The following CAMTA1 variants were observed in gnomAD, a reference collection of about 807,000 sequenced individuals.
CAMTA1 encodes calmodulin binding transcription activator 1.
A neutral mutation model predicts 170.9 loss-of-function variants in CAMTA1; 27 were observed. The ratio of observed to expected loss-of-function variants is 0.16; its 90% CI spans 0.12 to 0.22. CAMTA1 has a LOEUF of 0.22. Among genes scored for constraint, CAMTA1 ranks in the 10% least tolerant of loss-of-function variants. The pLI, the probability that CAMTA1 is intolerant of heterozygous loss-of-function variation, is 1.00. For synonymous variants in CAMTA1, 833 were observed against 891.5 expected (o/e 0.93, Z 1.17); for missense variants, 1,619 against 2,217.2 (o/e 0.73, Z 5.42).
At chr1:7,593,200 T>C (rs374291471) in intron 6 of CAMTA1, among the ~76,000 whole-genome samples, 1 of 152,166 alleles carries the variant, frequency 6.6e-6, no homozygotes, top group African/African-American at 2.4e-5. Context: ...CAGCATATCT[T>C]GCACAGTGAA....
intron 3 of CAMTA1, among the ~76,000 whole-genome samples, chr1:6,947,961 C>T (rs1271448602): frequency 6.6e-6 from 1 of 152,108 alleles, no homozygotes. Flanking sequence ...ATCATCTCAT[C>T]TGTGAATTGA....
intron 3 of CAMTA1, among the ~76,000 whole-genome samples, chr1:7,002,201 C>T (rs1698324381): frequency 6.6e-6 from 1 of 152,062 alleles, no homozygotes; most frequent in African/African-American, 2.4e-5. Flanking sequence ...GGACTAAAAC[C>T]CTTTTCCAAA....
intron 4 of CAMTA1, among the ~76,000 whole-genome samples, chr1:7,111,118 C>T (rs886578626): frequency 6.6e-6 from 1 of 152,218 alleles, no homozygotes; most frequent in African/African-American, 2.4e-5. Flanking sequence ...ATCTCTCTGG[C>T]TCTCTTTCTC....
intron 3 of CAMTA1, among the ~76,000 whole-genome samples, chr1:6,907,671 C>T (rs781470458): frequency 5.3e-5 from 8 of 152,168 alleles, no homozygotes; most frequent in African/African-American, 1.4e-4. Flanking sequence ...GCAGCAGGTA[C>T]GGGGCCAGCC....
rs541799360 is a variant in CAMTA1, at chr1:7,031,115, G to A, written c.235-60189G>A. ...ACCTGCCTTGGCCTCCCAAAGTGCT[G>A]GGATTCCTTAATGTTTTATGTTTAC... is the stretch of plus-strand genomic sequence containing the variant. On this transcript the variant is annotated intron_variant, in intron 3 of 22. Coordinates refer to ENST00000303635, the MANE Select transcript of CAMTA1 (RefSeq NM_015215.4). Among the ~76,000 whole-genome samples the A allele has an allele frequency of 2.2e-3, 328 of 151,480 alleles. 4 individuals carry two copies. Among genetic ancestry groups the A allele is most frequent in the African/African-American group, 7.7e-3 (318 of 41,246 alleles).
At chr1:7,472,905 C>G (rs1243655163) in intron 6 of CAMTA1, among the ~76,000 whole-genome samples, 3 of 152,184 alleles carry the variant, frequency 2.0e-5, no homozygotes, top group Non-Finnish European at 2.9e-5. Flanking sequence ...CCAGGCGGTC[C>G]TGGCCCCAAA....
At chr1:7,127,301 C>T (rs888241826) in intron 4 of CAMTA1, among the ~76,000 whole-genome samples, 3 of 121,274 alleles carry the variant, frequency 2.5e-5, no homozygotes, top group South Asian at 2.9e-4. Context: ...TTAGGATCTA[C>T]GATGGGAAGT....
chr1:7,040,015 G>C (rs1004380605), intron 3 of CAMTA1, among the ~76,000 whole-genome samples: 9 of 151,762 alleles, frequency 5.9e-5, no homozygotes, highest in Non-Finnish European at 1.2e-4. Context: ...TTTAAAATAT[G>C]TTAAGTGCTA....
intron 22 of CAMTA1, among the ~76,000 whole-genome samples, chr1:7,755,971 A>G (rs1282858038): frequency 6.6e-6 from 1 of 152,258 alleles, no homozygotes; most frequent in African/African-American, 2.4e-5. Context: ...CAGGGCTGGC[A>G]GGCCACGTAC....
chr1:7,462,158 A>C (rs2093105653), intron 5 of CAMTA1, among the ~76,000 whole-genome samples: 2 of 152,082 alleles, frequency 1.3e-5, no homozygotes, highest in African/African-American at 2.4e-5. Context: ...ACAGAGTTTC[A>C]CTCTTGTTGC....
At chr1:7,245,066 C>A (rs1665536479) in intron 4 of CAMTA1, among the ~76,000 whole-genome samples, 2 of 151,594 alleles carry the variant, frequency 1.3e-5, no homozygotes. Context: ...TTGGGAATTT[C>A]TTGTTAAATG....
At position 7,171,465 on chromosome 1, in the gene CAMTA1, C is replaced by T. The variant is rs192573255; in HGVS notation, c.303-78026C>T. 7.2e-4 allele frequency among the ~76,000 whole-genome samples: 109 copies of T among 152,260 alleles called. 1 individual carries two copies. Among genetic ancestry groups the T allele is most frequent in the African/African-American group, 2.5e-3 (105 of 41,534 alleles). ...GATTATTTGTTTCCACTTCTGCCTC[C>T]CCCAGTATCTCAGGGCCAACACAGA... On this transcript the variant is annotated intron_variant, in intron 4 of 22. Coordinates refer to ENST00000303635, the MANE Select transcript of CAMTA1 (RefSeq NM_015215.4).
chr1:7,282,338 G>T (rs1671640857), intron 5 of CAMTA1, among the ~76,000 whole-genome samples: 2 of 151,990 alleles, frequency 1.3e-5, no homozygotes, highest in African/African-American at 4.8e-5. Context: ...CTCTGCCCAA[G>T]TCCAGCCTTC....
At chr1:7,657,524 T>G (rs1051614081) in intron 7 of CAMTA1, among the ~76,000 whole-genome samples, 3 of 152,198 alleles carry the variant, frequency 2.0e-5, no homozygotes, top group Non-Finnish European at 4.4e-5. Flanking sequence ...CGTGATCAAG[T>G]GTACTTTTAA....
chr1:7,668,522 C>T (rs1349271916), intron 9 of CAMTA1, among the ~76,000 whole-genome samples: 1 of 152,040 alleles, frequency 6.6e-6, no homozygotes, highest in Non-Finnish European at 1.5e-5. Context: ...ACTCAGAGAC[C>T]TCAGATGGCA....
chr1:7,198,470 C>T (rs1220897815), intron 4 of CAMTA1, among the ~76,000 whole-genome samples: 1 of 152,072 alleles, frequency 6.6e-6, no homozygotes, highest in Non-Finnish European at 1.5e-5. Flanking sequence ...GTGTTTGCTG[C>T]TGCACTTCAG....
intron 3 of CAMTA1, among the ~76,000 whole-genome samples, chr1:6,917,498 C>T (rs764783505): frequency 3.3e-4 from 46 of 140,650 alleles, no homozygotes; most frequent in Non-Finnish European, 5.1e-4. Flanking sequence ...AGAGAAGTGA[C>T]AGATTCAAGA....
rs368867768 is a variant in CAMTA1 at position 7,756,154 on chromosome 1, C to T, written c.4989+486C>T. Among the ~76,000 whole-genome samples the T allele has an allele frequency of 1.0e-3, 153 of 151,514 alleles. 5 individuals carry two copies. The South Asian group carries it at 0.027, about 27-fold the overall frequency. On this transcript the variant is annotated intron_variant, in intron 22 of 22. Transcript: ENST00000303635. ...TTTTTTTTAATGAATCTATTTCTTA[C>T]TGAGAATGACTGTTTCCCTATACCC... is the stretch of plus-strand genomic sequence containing the variant.
chr1:7,271,048 A>G (rs1377616949), intron 5 of CAMTA1, among the ~76,000 whole-genome samples: 2 of 152,154 alleles, frequency 1.3e-5, no homozygotes, highest in African/African-American at 2.4e-5. Context: ...GGATGTTTGC[A>G]TATCCCCCCA....
Sources: allele counts gnomAD v4.1 joint callset (sites outside exome capture counted in the v4.1 genomes callset), GRCh38; gene constraint gnomAD v4.1.1; transcripts MANE v1.5; gene names NCBI Gene and HGNC (gene_info 2026-07-23, HGNC 2026-07-21).